PRICKLE2: variants seen among roughly 807,000 people sequenced by gnomAD.
The protein encoded by PRICKLE2 is prickle planar cell polarity protein 2.
Under a neutral mutation model 81.4 loss-of-function variants are expected in PRICKLE2, and 21 were observed. The ratio of observed to expected loss-of-function variants is 0.26; its 90% CI spans 0.18 to 0.37. The LOEUF (loss-of-function observed/expected upper bound fraction) is 0.37. PRICKLE2 is among the 10% of genes least tolerant of loss of function. PRICKLE2 has a pLI of 1.00. For missense variants in PRICKLE2, 940 were observed against 1,109.0 expected, an observed-to-expected ratio of 0.85 and a Z score of 2.16; for synonymous variants, 456 against 421.5, an observed-to-expected ratio of 1.08 and a Z score of -1.00.
chr3:64,254,058 A>G (rs989935718), intron 2 of PRICKLE2, among the ~76,000 whole-genome samples: 3 of 151,948 alleles, frequency 2.0e-5, no homozygotes, highest in Non-Finnish European at 2.9e-5. Flanking sequence ...GGCAGCCACA[A>G]CTCCCTTCCT....
chr3:64,246,136 A>C (rs2079348182), intron 2 of PRICKLE2, among the ~76,000 whole-genome samples: 1 of 152,034 alleles, frequency 6.6e-6, no homozygotes, highest in South Asian at 2.1e-4. Context: ...CAGCTACTCA[A>C]GAGGCTGAGG....
At chr3:64,138,764 T>C (rs1029469920) in intron 7 of PRICKLE2, among the ~76,000 whole-genome samples, 3 of 152,118 alleles carry the variant, frequency 2.0e-5, no homozygotes, top group Admixed American at 6.5e-5. Context: ...GGACTCAAGG[T>C]TGTGATTCCA....
chr3:64,214,612 A>G (rs1346515980), intron 1 of PRICKLE2, among the ~76,000 whole-genome samples: 1 of 152,190 alleles, frequency 6.6e-6, no homozygotes, highest in Non-Finnish European at 1.5e-5. Context: ...GAAAGGAAGG[A>G]GGAAAGTACA....
chr3:64,153,559 G>A (rs2077579318), intron 5 of PRICKLE2, 191 bp from the exon 6 acceptor site: 1 of 587,804 alleles, frequency 1.7e-6, no homozygotes, highest in Admixed American at 3.0e-5. Context: ...TTTACCTAAA[G>A]CATAATTAAA....
chr3:64,178,995 CT>C (rs1234585198), intron 2 of PRICKLE2, among the ~76,000 whole-genome samples: 2 of 147,010 alleles, frequency 1.4e-5, no homozygotes, highest in African/African-American at 5.1e-5. Context: ...TTCTTTCTTT[CT>C]TTCTTTCTTT....
rs746640172 is a variant in PRICKLE2 at position 64,147,084 on chromosome 3, C to T, written c.1406G>A (p.Arg469Gln). 41 of 1,614,038 alleles carry T rather than the reference C, an allele frequency of 2.5e-5. 1 individual carries two copies. The highest frequency in any genetic ancestry group is 1.1e-4 in the South Asian group (10 of 91,078). ...CAGCCTCCCCGGGTAATAGTCTTCT[C>T]GGCATTCCTTGATGAAGCTGCCAGC... is the stretch of plus-strand genomic sequence containing the variant. ...GHAGSFIKEC[R>Q]EDYYPGRLRS... Residue 469 changes from arginine to glutamine, a missense_variant, in exon 7 of 8, where the codon CGA becomes CAA. Arg to Gln is a conservative substitution (Grantham distance 43). Coordinates refer to ENST00000638394, the MANE Select transcript of PRICKLE2 (RefSeq NM_198859.4). The surrounding 1 kb of genome is among the most constrained non-coding windows in gnomAD (Gnocchi z 5.0).
At chr3:64,102,612 G>GTAA (rs1456042164) in intron 7 of PRICKLE2, 1 of 152,148 alleles carries the variant, frequency 6.6e-6, no homozygotes, top group Non-Finnish European at 1.5e-5. Context: ...TTACAATGTA[G>GTAA]TAATAATAGA....
At position 64,147,860 on chromosome 3, in the gene PRICKLE2, C is replaced by T. The variant is rs115749947; in HGVS notation, c.788-158G>A. On this transcript the variant is annotated intron_variant, in intron 6 of 7. Transcript: ENST00000638394. The surrounding 1 kb of genome is among the most constrained non-coding windows in gnomAD (Gnocchi z 5.0). Reference sequence around the variant, plus strand: ...CAGACCCTTATGTAAATGGTATTCACGTCCTATTACGAGAAGTCCTTGTTG... The same window carrying T: ...CAGACCCTTATGTAAATGGTATTCATGTCCTATTACGAGAAGTCCTTGTTG... Among the ~76,000 whole-genome samples, 765 of 152,284 alleles carry T rather than the reference C, an allele frequency of 5.0e-3. 6 individuals are homozygous for T. The highest frequency in any genetic ancestry group is 0.02 in the Middle Eastern group (6 of 294).
At chr3:64,257,275 C>T (rs764569937) in intron 2 of PRICKLE2, among the ~76,000 whole-genome samples, 2 of 152,182 alleles carry the variant, frequency 1.3e-5, no homozygotes, top group Non-Finnish European at 2.9e-5. Flanking sequence ...ATCACTCTGC[C>T]AGTTTGTGCC....
chr3:64,162,572 G>C (rs2077752497), intron 3 of PRICKLE2, among the ~76,000 whole-genome samples: 1 of 152,208 alleles, frequency 6.6e-6, no homozygotes. Context: ...CTGCAGTGTA[G>C]TGTGGAAAAC....
intron 7 of PRICKLE2, among the ~76,000 whole-genome samples, chr3:64,126,515 T>C (rs955915550): frequency 6.6e-6 from 1 of 152,192 alleles, no homozygotes; most frequent in Non-Finnish European, 1.5e-5. Flanking sequence ...CAACACTGCA[T>C]GATGGTTAAA....
intron 2 of PRICKLE2, among the ~76,000 whole-genome samples, chr3:64,262,459 G>A (rs560243721): frequency 1.3e-5 from 2 of 152,194 alleles, no homozygotes; most frequent in South Asian, 2.1e-4. Flanking sequence ...GAGAAGAGAT[G>A]TGTATCTAAG....
intron 1 of PRICKLE2, among the ~76,000 whole-genome samples, chr3:64,212,070 C>T (rs1427206967): frequency 2.6e-5 from 4 of 152,180 alleles, no homozygotes; most frequent in Admixed American, 6.5e-5. Context: ...GATGAGTAGA[C>T]GGAGTGAGCC....
rs572929945 is a variant in PRICKLE2, at chr3:64,203,043, T to G, written c.-40-4076A>C. 3.9e-5 allele frequency among the ~76,000 whole-genome samples: 6 copies of G among 152,326 alleles called. No individual in the cohort carries two copies. The East Asian group carries it at 9.6e-4, about 24-fold the overall frequency. On this transcript the variant is annotated intron_variant, in intron 1 of 7. Transcript: ENST00000638394. ...TTAGTTATTTTATGTCTTTATTCTATTAATGTGTTGTGCCTAAATTTCAAC... is the reference window on the plus strand; with the variant it reads ...TTAGTTATTTTATGTCTTTATTCTAGTAATGTGTTGTGCCTAAATTTCAAC...
At chr3:64,142,313 C>CTTTTTT (rs397936636) in intron 7 of PRICKLE2, among the ~76,000 whole-genome samples, 12 of 132,754 alleles carry the variant, frequency 9.0e-5, no homozygotes, top group East Asian at 2.2e-4. Flanking sequence ...TTCTTTCTTT[C>CTTTTTT]TTTTTTTTTT....
rs985347712 is a variant in PRICKLE2, at chr3:64,093,301, G to C, written c.*5750C>G. The C allele has an allele frequency of 2.2e-4, 33 of 152,358 alleles. No homozygotes were observed. Among genetic ancestry groups the C allele is most frequent in the African/African-American group, 7.7e-4 (32 of 41,446 alleles). The allele number at this position is 152,358 out of a possible 1,614,324, so 9.4% of individuals were successfully genotyped here. On this transcript the variant is annotated 3_prime_UTR_variant, in exon 8 of 8. Coordinates refer to ENST00000638394, the MANE Select transcript of PRICKLE2 (RefSeq NM_198859.4). ...GACATTTGGGTTGCTCCCACTTTTT[G>C]GATATTGTGAATGCTGCTTTTATGA... is the stretch of plus-strand genomic sequence containing the variant.
chr3:64,142,377 C>T (rs903561286), intron 7 of PRICKLE2, among the ~76,000 whole-genome samples: 18 of 146,220 alleles, frequency 1.2e-4, no homozygotes, highest in African/African-American at 7.6e-5. Flanking sequence ...GTGGTGTGAT[C>T]CTGGCTCACT....
chr3:64,239,203 A>G (rs1224326827), intron 2 of PRICKLE2, among the ~76,000 whole-genome samples: 2 of 152,052 alleles, frequency 1.3e-5, no homozygotes, highest in African/African-American at 2.4e-5. Flanking sequence ...CAGGCACCAC[A>G]TTCCTCTTCC....
intron 1 of PRICKLE2, among the ~76,000 whole-genome samples, chr3:64,222,841 G>C (rs1420740952): frequency 6.6e-6 from 1 of 152,216 alleles, no homozygotes; most frequent in Non-Finnish European, 1.5e-5. Flanking sequence ...ATCTAGAAAT[G>C]CATTGATTCC....
Sources: allele counts gnomAD v4.1 joint callset (sites outside exome capture counted in the v4.1 genomes callset), GRCh38; gene constraint gnomAD v4.1.1; non-coding constraint Gnocchi (gnomAD v3.1); transcripts MANE v1.5; gene names NCBI Gene and HGNC (gene_info 2026-07-23, HGNC 2026-07-21).